Variants in REPS2 observed in about 807,000 individuals in gnomAD.
The protein encoded by REPS2 is RALBP1 associated Eps domain containing 2, also known as ralBP1-associated Eps domain-containing protein 2.
REPS2 carries 23 observed loss-of-function variants against 53.6 expected under a neutral mutation model. The ratio of observed to expected loss-of-function variants is 0.43; its 90% CI spans 0.31 to 0.61. The LOEUF is 0.61. REPS2 is among the 20% of genes least tolerant of loss of function. REPS2 has a pLI of 0.11. For synonymous variants in REPS2, 238 were observed against 218.6 expected (o/e 1.09, Z -0.78); for missense variants, 446 against 534.9 (o/e 0.83, Z 1.64).
At chrX:17,147,301 C>T in intron 17 of REPS2, 112 bp from the exon 18 acceptor site, 1 of 559,244 alleles carries the variant, frequency 1.8e-6, no homozygotes, top group African/African-American at 2.3e-5. Context: ...TTATACAGCA[C>T]TTGTATTTGT....
chrX:16,967,473 A>C (rs1016881442), intron 1 of REPS2, among the ~76,000 whole-genome samples: 4 of 110,510 alleles, frequency 3.6e-5, no homozygotes, highest in Non-Finnish European at 7.6e-5. Context: ...CTGGAGTTCA[A>C]GACCAGCCTG....
At chrX:16,962,276 T>TACACACACACACAC (rs61520216) in intron 1 of REPS2, among the ~76,000 whole-genome samples, 1 of 81,861 alleles carries the variant, frequency 1.2e-5, no homozygotes, top group Non-Finnish European at 2.4e-5. Context: ...TATCGTGGGA[T>TACACACACACACAC]ACACACACAC....
chrX:16,960,918 T>G (rs2060652836), intron 1 of REPS2, among the ~76,000 whole-genome samples: 1 of 112,144 alleles, frequency 8.9e-6, no homozygotes, highest in African/African-American at 3.2e-5. Context: ...ATCTGTACAT[T>G]CAACATTATA....
At chrX:17,134,275 T>C (rs1318747033) in intron 15 of REPS2, among the ~76,000 whole-genome samples, 4 of 111,714 alleles carry the variant, frequency 3.6e-5, no homozygotes, top group African/African-American at 1.3e-4. Flanking sequence ...TCCTTTTTGG[T>C]CTTTGTACCA....
chrX:17,106,148 A>G (rs1390655580), intron 14 of REPS2, among the ~76,000 whole-genome samples: 1 of 111,975 alleles, frequency 8.9e-6, no homozygotes, highest in Non-Finnish European at 1.9e-5. Context: ...AGGATACAAA[A>G]TCAGTGTGCA....
chrX:17,056,093 A>G (rs1228590013), intron 8 of REPS2, among the ~76,000 whole-genome samples: 3 of 112,567 alleles, frequency 2.7e-5, no homozygotes, highest in Non-Finnish European at 3.8e-5. Flanking sequence ...TGGTATTTAC[A>G]GTTATTGTTC....
intron 1 of REPS2, among the ~76,000 whole-genome samples, chrX:16,968,267 C>T (rs1408837912): frequency 2.7e-5 from 3 of 111,855 alleles, no homozygotes; most frequent in African/African-American, 6.5e-5. Flanking sequence ...GGCAACCATC[C>T]GATTTCTCAA....
chrX:17,124,182 G>A (rs774977423), intron 14 of REPS2, among the ~76,000 whole-genome samples: 2 of 112,265 alleles, frequency 1.8e-5, no homozygotes, highest in African/African-American at 6.5e-5. Context: ...TCTGTGCTCT[G>A]TGGGTGCAGT....
the REPS2 span, among the ~76,000 whole-genome samples, chrX:17,188,244 A>G: frequency 1.8e-5 from 2 of 112,719 alleles, no homozygotes; most frequent in African/African-American, 3.2e-5. Flanking sequence ...AATTTTCATG[A>G]TTACTCCTCT....
At chrX:17,132,630 C>T (rs893294348) in intron 14 of REPS2, among the ~76,000 whole-genome samples, 3 of 112,836 alleles carry the variant, frequency 2.7e-5, no homozygotes, top group Non-Finnish European at 5.6e-5. Flanking sequence ...CTCCGCCTCC[C>T]GGCTTCAAGT....
intron 7 of REPS2, among the ~76,000 whole-genome samples, 160 bp from the exon 8 acceptor site, chrX:17,054,648 C>T (rs1397783339): frequency 1.1e-4 from 12 of 111,906 alleles, no homozygotes; most frequent in Non-Finnish European, 1.3e-4. Context: ...TTTTCTTCCT[C>T]GGAGTGGCCC....
chrX:16,969,489 C>T (rs1239360086), intron 1 of REPS2, among the ~76,000 whole-genome samples: 141 of 108,313 alleles, frequency 1.3e-3, no homozygotes, highest in Non-Finnish European at 2.0e-3. Flanking sequence ...CTCGGGAGGC[C>T]GAGGCTGGCG....
chrX:17,163,982 A>G, the REPS2 span, among the ~76,000 whole-genome samples: 3 of 112,422 alleles, frequency 2.7e-5, no homozygotes, highest in Non-Finnish European at 5.6e-5. Flanking sequence ...TAAATCAATA[A>G]TTATAAATCT....
intron 2 of REPS2, among the ~76,000 whole-genome samples, chrX:17,013,002 C>T: frequency 8.9e-6 from 1 of 112,388 alleles, no homozygotes; most frequent in Non-Finnish European, 1.9e-5. Context: ...TCATTGAATT[C>T]CCTTTGACTC....
chrX:17,108,323 A>G (rs1301686919), intron 14 of REPS2, among the ~76,000 whole-genome samples: 1 of 109,669 alleles, frequency 9.1e-6, no homozygotes, highest in Non-Finnish European at 1.9e-5. Flanking sequence ...ACAGGCATGC[A>G]CCACCACGCC....
intron 14 of REPS2, among the ~76,000 whole-genome samples, chrX:17,119,788 G>T (rs1156740251): frequency 9.1e-6 from 1 of 110,147 alleles, no homozygotes; most frequent in Non-Finnish European, 1.9e-5. Flanking sequence ...CCCCTGGGGG[G>T]CTCAGTTATG....
intron 1 of REPS2, among the ~76,000 whole-genome samples, chrX:16,961,479 C>T (rs1305530570): frequency 9.0e-6 from 1 of 111,680 alleles, no homozygotes; most frequent in African/African-American, 3.3e-5. Context: ...TTAAAATATA[C>T]AACAAAACCT....
At position 17,058,452 on chromosome X, in the gene REPS2, CAA is replaced by C. The variant is rs66501468; in HGVS notation, c.1114+3520_1114+3521del. On this transcript the variant is annotated intron_variant, in intron 8 of 17. Coordinates refer to ENST00000357277, the MANE Select transcript of REPS2 (RefSeq NM_004726.3). ...TGGGTGACAGAGCTAGACTCCTTCTCAAAAAAAAAAAAAAAAAAAGTCACTGA... is the reference window on the plus strand; with the variant it reads ...TGGGTGACAGAGCTAGACTCCTTCTCAAAAAAAAAAAAAAAAAGTCACTGA... Among the ~76,000 whole-genome samples, 199 of 70,940 alleles carry C rather than the reference CAA, an allele frequency of 2.8e-3. 1 individual carries two copies. The highest frequency in any genetic ancestry group is 5.6e-3 in the African/African-American group (106 of 18,863). The allele number at this position is 70,940 out of a possible 115,157, so 61.6% of individuals were successfully genotyped here. A position where few individuals can be genotyped will look rare whatever the true frequency, so the allele number is the denominator to read the frequency against.
intron 4 of REPS2, among the ~76,000 whole-genome samples, chrX:17,026,147 G>C (rs987331922): frequency 1.8e-5 from 2 of 112,106 alleles, no homozygotes; most frequent in Admixed American, 9.5e-5. Flanking sequence ...GTGGGTTTCT[G>C]TGACTAGCTG....
Sources: allele counts gnomAD v4.1 joint callset (sites outside exome capture counted in the v4.1 genomes callset), GRCh38; gene constraint gnomAD v4.1.1; transcripts MANE v1.5; gene names NCBI Gene and HGNC (gene_info 2026-07-23, HGNC 2026-07-21).